The following AACS variants were observed in gnomAD, a reference collection of about 807,000 sequenced individuals.
AACS encodes the protein acetoacetate-CoA ligase.
In AACS, 69 loss-of-function variants were observed where a neutral mutation model predicts 83.1. That is an observed-to-expected ratio of 0.83 (90% confidence interval 0.68 to 1.01). The LOEUF (loss-of-function observed/expected upper bound fraction) is 1.01, where lower values mean the gene tolerates loss of function less well. Among genes scored for constraint, AACS ranks in the 50% least tolerant of loss-of-function variants. AACS has a pLI of 0.00. For missense variants in AACS, 866 were observed against 882.2 expected (o/e 0.98, Z 0.23); for synonymous variants, 333 against 343.4 (o/e 0.97, Z 0.33).
In AACS at chr12:125,073,863, A is replaced by G. The variant is rs1334255178; in HGVS notation, c.134-13A>G. The G allele has an allele frequency of 2.5e-6, 4 of 1,602,176 alleles. No homozygotes were observed. Among genetic ancestry groups the G allele is most frequent in the Non-Finnish European group, 3.4e-6 (4 of 1,170,116 alleles). On this transcript the variant is annotated splice_polypyrimidine_tract_variant and intron_variant, in intron 1 of 17. Transcript: ENST00000316519. ...TTCCCTTCTAAGGTTAATCTGAGCT[A>G]TTTCATTTTTAGAGAGTTATGATGA...
rs1956403691 is a variant in AACS at position 125,089,102 on chromosome 12, TG to T, written c.473-2321del. ...AGTCAGATGGTTAAGCAGCCTCCCC[TG>T]GGCACCGAGTCCTGCCCTGACCCTG... On this transcript the variant is annotated intron_variant, in intron 4 of 17. Coordinates refer to ENST00000316519, the MANE Select transcript of AACS (RefSeq NM_023928.5). 2.6e-5 allele frequency among the ~76,000 whole-genome samples: 4 copies of T among 152,306 alleles called. No individual in the cohort carries two copies. The South Asian group carries it at 8.3e-4, about 32-fold the overall frequency.
intron 1 of AACS, among the ~76,000 whole-genome samples, chr12:125,066,551 G>A (rs551068254): frequency 6.7e-6 from 1 of 150,224 alleles, no homozygotes; most frequent in African/African-American, 2.4e-5. Context: ...CCGGGTTCAA[G>A]TGATTCTCCT....
chr12:125,102,068 T>TAAAAA (rs36095424), intron 5 of AACS: 2 of 142,864 alleles, frequency 1.4e-5, no homozygotes, highest in African/African-American at 5.3e-5. Context: ...CTTGCCTTTT[T>TAAAAA]AAAAAAAAAA....
chr12:125,080,085 C>A (rs139131969), intron 3 of AACS, among the ~76,000 whole-genome samples: 1 of 152,332 alleles, frequency 6.6e-6, no homozygotes, highest in Middle Eastern at 3.4e-3. Flanking sequence ...GACCACATTT[C>A]GTTGATCCCT....
At chr12:125,104,585 G>A (rs1374473033) in intron 7 of AACS, among the ~76,000 whole-genome samples, 8 of 152,204 alleles carry the variant, frequency 5.3e-5, no homozygotes, top group Non-Finnish European at 1.2e-4. Flanking sequence ...ATCTGGGGGT[G>A]GCTTTGAGGT....
At position 125,091,314 on chromosome 12, in the gene AACS, T is replaced by G. The variant is rs1956480162; in HGVS notation, c.473-112T>G. ...CTGGTGGTCAGGATCCTCAGGCAGT[T>G]CAAGGCCAGCCCCCTTCCCACTCTG... On this transcript the variant is annotated intron_variant, in intron 4 of 17. Transcript: ENST00000316519. 5 of 1,099,486 alleles carry G rather than the reference T, an allele frequency of 4.5e-6. No individual in the cohort carries two copies. The Admixed American group carries it at 8.0e-5, about 18-fold the overall frequency. The allele number at this position is 1,099,486 out of a possible 1,614,324, so 68.1% of individuals were successfully genotyped here. A position where few individuals can be genotyped will look rare whatever the true frequency, so the allele number is the denominator to read the frequency against.
At chr12:125,095,015 G>C (rs922271136) in intron 5 of AACS, among the ~76,000 whole-genome samples, 4 of 144,936 alleles carry the variant, frequency 2.8e-5, no homozygotes, top group African/African-American at 8.2e-5. Flanking sequence ...GTGTGTGTGT[G>C]TGTGTGTGTC....
At chr12:125,096,924 C>G in intron 5 of AACS, among the ~76,000 whole-genome samples, 1 of 152,010 alleles carries the variant, frequency 6.6e-6, no homozygotes, top group South Asian at 2.1e-4. Flanking sequence ...GACTTCTCTC[C>G]TGGATGCTTC....
At chr12:125,110,651 A>G (rs375791957) in intron 8 of AACS, among the ~76,000 whole-genome samples, 1 of 152,164 alleles carries the variant, frequency 6.6e-6, no homozygotes, top group African/African-American at 2.4e-5. Context: ...TATCTTGGTC[A>G]AACCTTCTGA....
intron 5 of AACS, chr12:125,101,355 C>T (rs1352589838): frequency 2.0e-5 from 3 of 152,226 alleles, no homozygotes; most frequent in Non-Finnish European, 4.4e-5. Context: ...GGACTGCAGA[C>T]TCCACGTGCA....
At chr12:125,093,891 T>A (rs1956545923) in intron 5 of AACS, among the ~76,000 whole-genome samples, 1 of 152,198 alleles carries the variant, frequency 6.6e-6, no homozygotes, top group Non-Finnish European at 1.5e-5. Flanking sequence ...TTTGGTGGCT[T>A]CGTGGCAGGC....
chr12:125,080,272 T>C (rs1468023174), intron 3 of AACS, among the ~76,000 whole-genome samples: 2 of 152,184 alleles, frequency 1.3e-5, no homozygotes, highest in African/African-American at 4.8e-5. Context: ...TCTCAGACAC[T>C]TCATGAGCTC....
At chr12:125,126,800 C>T (rs1051922301) in intron 12 of AACS, 1 of 151,962 alleles carries the variant, frequency 6.6e-6, no homozygotes, top group African/African-American at 2.4e-5. Flanking sequence ...CCAGGCTGTT[C>T]TTGAACTCCT....
intron 3 of AACS, among the ~76,000 whole-genome samples, chr12:125,082,348 T>TA (rs1402891764): frequency 6.6e-6 from 1 of 151,234 alleles, no homozygotes; most frequent in African/African-American, 2.4e-5. Flanking sequence ...TTTCATTTTT[T>TA]TTTTTTTTTA....
chr12:125,120,792 A>G (rs1957140776), intron 10 of AACS: 1 of 152,150 alleles, frequency 6.6e-6, no homozygotes, highest in African/African-American at 2.4e-5. Context: ...TGTATGTGAA[A>G]GTGTGTGCGC....
Position 125,077,717 on chromosome 12 carries a change from A to T in AACS, c.358+1106A>T, listed in dbSNP as rs1044644316. Among the ~76,000 whole-genome samples, 9 of 145,654 alleles carry T rather than the reference A, an allele frequency of 6.2e-5. No homozygotes were observed. In the South Asian group the frequency reaches 6.5e-4, roughly 11 times the overall value. On this transcript the variant is annotated intron_variant, in intron 3 of 17. Transcript: ENST00000316519. ...GCCAAAATGAGTCTCCAAGTTGGCAATTTTTTTTTTTTTTGAGATAGAATC... is the reference window on the plus strand; with the variant it reads ...GCCAAAATGAGTCTCCAAGTTGGCATTTTTTTTTTTTTTTGAGATAGAATC...
At position 125,094,555 on chromosome 12, in the gene AACS, A is replaced by G. The variant is rs1280535371; in HGVS notation, c.570+3032A>G. The stretch of plus-strand genomic sequence containing the variant: ...AGCCACAGACCGCAGTGGGCTGTCC[A>G]GGGAGTGCTGGGGCATCCGTCTTTA... On this transcript the variant is annotated intron_variant, in intron 5 of 17. Transcript: ENST00000316519. The surrounding 1 kb of genome is among the most constrained non-coding windows in gnomAD (Gnocchi z 4.1). Among the ~76,000 whole-genome samples, 2 of 152,086 alleles carry G rather than the reference A, an allele frequency of 1.3e-5. No homozygotes were observed. The highest frequency in any genetic ancestry group is 4.8e-5 in the African/African-American group (2 of 41,416).
At chr12:125,076,884 C>A (rs935730872) in intron 3 of AACS, among the ~76,000 whole-genome samples, 1 of 152,072 alleles carries the variant, frequency 6.6e-6, no homozygotes, top group African/African-American at 2.4e-5. Flanking sequence ...AGAATCTCTT[C>A]CCATTGGCTT....
At position 125,097,629 on chromosome 12, in the gene AACS, G is replaced by A. The variant is rs1956636563; in HGVS notation, c.571-5050G>A. 6.6e-6 allele frequency among the ~76,000 whole-genome samples: 1 copy of A among 152,110 alleles called. No individual in the cohort carries two copies. Among genetic ancestry groups the A allele is most frequent in the African/African-American group, 2.4e-5 (1 of 41,430 alleles). The stretch of plus-strand genomic sequence containing the variant: ...GCAGTGGCCAAGGTGTTCAGCTGGA[G>A]GAAGACCCCTCCTTCCTGTCATGAC... On this transcript the variant is annotated intron_variant, in intron 5 of 17. Transcript: ENST00000316519. This position sits in a 1 kb window ranked among gnomAD's most constrained non-coding sequence, Gnocchi z 4.3.
Sources: allele counts gnomAD v4.1 joint callset (sites outside exome capture counted in the v4.1 genomes callset), GRCh38; gene constraint gnomAD v4.1.1; non-coding constraint Gnocchi (gnomAD v3.1); transcripts MANE v1.5; gene names NCBI Gene and HGNC (gene_info 2026-07-23, HGNC 2026-07-21).